The following ULK4 variants were observed in gnomAD, a reference collection of about 807,000 sequenced individuals.
ULK4 encodes the protein unc-51 like kinase 4.
A neutral mutation model predicts 160.6 loss-of-function variants in ULK4; 133 were observed. The observed-to-expected ratio is 0.83, with a 90% CI of 0.72 to 0.96. ULK4 has a LOEUF of 0.96. ULK4 is among the 40% of genes least tolerant of loss of function. ULK4 has a pLI of 0.00. For synonymous variants in ULK4, 534 were observed against 539.8 expected (o/e 0.99, Z 0.15); for missense variants, 1,580 against 1,499.5 (o/e 1.05, Z -0.89).
intron 35 of ULK4, among the ~76,000 whole-genome samples, chr3:41,334,399 C>T (rs1431380125): frequency 1.3e-5 from 2 of 152,252 alleles, no homozygotes; most frequent in East Asian, 3.9e-4. Context: ...GAATGTCCCA[C>T]CCGACATCCT....
intron 34 of ULK4, among the ~76,000 whole-genome samples, chr3:41,400,254 G>A (rs558745071): frequency 4.6e-5 from 7 of 151,750 alleles, no homozygotes; most frequent in African/African-American, 1.5e-4. Flanking sequence ...ATTGTATTTA[G>A]CTCTGTGTAA....
At chr3:41,844,604 G>A (rs1406677905) in intron 17 of ULK4, among the ~76,000 whole-genome samples, 1 of 152,178 alleles carries the variant, frequency 6.6e-6, no homozygotes, top group Non-Finnish European at 1.5e-5. Context: ...AGCCCAGAAA[G>A]GAGTTCCCAC....
At chr3:41,273,506 G>A (rs759255875) in intron 35 of ULK4, among the ~76,000 whole-genome samples, 2 of 152,056 alleles carry the variant, frequency 1.3e-5, no homozygotes, top group Non-Finnish European at 2.9e-5. Context: ...ACATTTCCAG[G>A]GTTCCGCTCC....
At chr3:41,752,163 TTTC>T (rs2038652360) in intron 22 of ULK4, among the ~76,000 whole-genome samples, 2 of 152,222 alleles carry the variant, frequency 1.3e-5, no homozygotes, top group African/African-American at 4.8e-5. Context: ...ATTGAGAAAG[TTTC>T]TTACTTGTTC....
At chr3:41,488,290 C>A (rs562715825) in intron 32 of ULK4, among the ~76,000 whole-genome samples, 3 of 152,168 alleles carry the variant, frequency 2.0e-5, no homozygotes, top group Non-Finnish European at 4.4e-5. Context: ...TCATCCTCTA[C>A]AACCACTCAG....
intron 34 of ULK4, among the ~76,000 whole-genome samples, chr3:41,431,952 G>T (rs1234309958): frequency 2.6e-4 from 39 of 151,898 alleles, no homozygotes; most frequent in Non-Finnish European, 1.2e-4. Context: ...ACCACGCCCG[G>T]CTAATTTTTA....
intron 30 of ULK4, among the ~76,000 whole-genome samples, chr3:41,625,160 C>T (rs1236386856): frequency 1.3e-5 from 2 of 152,242 alleles, no homozygotes; most frequent in Non-Finnish European, 2.9e-5. Context: ...TATTGACTAG[C>T]ATGTTTTTAA....
chr3:41,511,692 A>T (rs956678485), intron 32 of ULK4, among the ~76,000 whole-genome samples: 5 of 152,182 alleles, frequency 3.3e-5, no homozygotes, highest in African/African-American at 1.2e-4. Context: ...ACAGATTCAC[A>T]ACTGAATTAT....
intron 34 of ULK4, among the ~76,000 whole-genome samples, chr3:41,442,245 ATTGT>A (rs1329024326): frequency 1.3e-5 from 2 of 152,194 alleles, no homozygotes; most frequent in African/African-American, 4.8e-5. Flanking sequence ...ATTTAATATC[ATTGT>A]TTGTGCTAAG....
intron 2 of ULK4, among the ~76,000 whole-genome samples, chr3:41,953,611 C>T (rs1232810048): frequency 6.6e-6 from 1 of 151,986 alleles, no homozygotes; most frequent in Non-Finnish European, 1.5e-5. Context: ...GTCCAAGAAG[C>T]CTACGCTATA....
Position 41,732,419 on chromosome 3 carries a change from C to T in ULK4, c.2322-14558G>A, listed in dbSNP as rs532185388. ...AAACTAAAACCACAATGAGGTATCA[C>T]CTCACCCCAGTTAGAGTGGCTATTA... is the stretch of plus-strand genomic sequence containing the variant. On this transcript the variant is annotated intron_variant, in intron 22 of 36. Transcript: ENST00000301831. Among the ~76,000 whole-genome samples the T allele has an allele frequency of 5.9e-5, 9 of 152,140 alleles. No homozygotes were observed. The East Asian group carries it at 1.5e-3, about 26-fold the overall frequency.
At position 41,915,946 on chromosome 3, in the gene ULK4, A is replaced by G. The variant is rs1325391654; in HGVS notation, c.803+31T>C. ...ACTCCATTTGCAGAACTCAAAAGAA[A>G]AAGAAAAAAAGATCGAACTACTGTC... On this transcript the variant is annotated intron_variant, in intron 8 of 36. Transcript: ENST00000301831. 2.7e-6 allele frequency: 4 copies of G among 1,499,054 alleles called. No individual in the cohort carries two copies. The African/African-American group carries it at 5.6e-5, about 21-fold the overall frequency. 92.9% of individuals were successfully genotyped at this position (1,499,054 alleles called of 1,614,324 possible).
intron 35 of ULK4, among the ~76,000 whole-genome samples, chr3:41,373,570 G>C (rs1030442271): frequency 2.6e-5 from 4 of 152,156 alleles, no homozygotes; most frequent in Non-Finnish European, 4.4e-5. Flanking sequence ...CAGAAATAAA[G>C]AAGTTCTTTG....
At chr3:41,906,760 C>T (rs1459848934) in intron 12 of ULK4, among the ~76,000 whole-genome samples, 5 of 152,166 alleles carry the variant, frequency 3.3e-5, no homozygotes, top group South Asian at 2.1e-4. Flanking sequence ...TATGGGAGGC[C>T]GAGGCGGGCA....
chr3:41,531,518 G>T (rs1341637347), intron 32 of ULK4, among the ~76,000 whole-genome samples: 3 of 122,536 alleles, frequency 2.4e-5, no homozygotes, highest in East Asian at 4.3e-4. Flanking sequence ...AAAAGAAAAA[G>T]AAAAAGAAAA....
chr3:41,937,430 A>C, intron 3 of ULK4: 1 of 631,016 alleles, frequency 1.6e-6, no homozygotes, highest in East Asian at 2.7e-5. Flanking sequence ...TATAAGTTAG[A>C]TGCATAAAGC....
intron 32 of ULK4, among the ~76,000 whole-genome samples, chr3:41,526,706 CTTTG>C (rs1559369513): frequency 6.6e-6 from 1 of 152,140 alleles, no homozygotes; most frequent in African/African-American, 2.4e-5. Context: ...GAGATATATA[CTTTG>C]TTTGAAATCT....
chr3:41,591,943 C>T (rs1400315911), intron 31 of ULK4, among the ~76,000 whole-genome samples: 1 of 152,166 alleles, frequency 6.6e-6, no homozygotes, highest in Non-Finnish European at 1.5e-5. Flanking sequence ...AGGATCATGA[C>T]GGATGGCAGG....
chr3:41,831,906 T>A (rs1267832452), intron 18 of ULK4, among the ~76,000 whole-genome samples: 1 of 152,202 alleles, frequency 6.6e-6, no homozygotes, highest in African/African-American at 2.4e-5. Context: ...TGCATAGTAT[T>A]CCATGGTGTA....
Sources: allele counts gnomAD v4.1 joint callset (sites outside exome capture counted in the v4.1 genomes callset), GRCh38; gene constraint gnomAD v4.1.1; transcripts MANE v1.5; gene names NCBI Gene and HGNC (gene_info 2026-07-23, HGNC 2026-07-21).